EYS: variants seen among roughly 807,000 people sequenced by gnomAD.
EYS encodes EGF-like photoreceptor maintenance factor, also known as protein eyes shut homolog.
Under a neutral mutation model 282.1 loss-of-function variants are expected in EYS, and 250 were observed. The ratio of observed to expected loss-of-function variants is 0.89; its 90% CI spans 0.80 to 0.98. The LOEUF (loss-of-function observed/expected upper bound fraction) is 0.98. Ranked by LOEUF, EYS falls within the 50% of genes least tolerant of loss-of-function variation. The pLI, the probability that EYS is intolerant of heterozygous loss-of-function variation, is 0.00. For synonymous variants in EYS, 1,355 were observed against 1,282.9 expected, an observed-to-expected ratio of 1.06 and a Z score of -1.20; for missense variants, 4,016 against 3,709.0, an observed-to-expected ratio of 1.08 and a Z score of -2.15.
intron 31 of EYS, among the ~76,000 whole-genome samples, chr6:64,136,675 T>C (rs1774171397): frequency 6.6e-6 from 1 of 152,146 alleles, no homozygotes; most frequent in Non-Finnish European, 1.5e-5. Context: ...AGCAGTAATA[T>C]TTTGACAGGA....
chr6:63,781,879 T>G (rs1562023497), intron 39 of EYS, among the ~76,000 whole-genome samples: 1 of 152,206 alleles, frequency 6.6e-6, no homozygotes, highest in Non-Finnish European at 1.5e-5. Context: ...TGATATTGGC[T>G]GTGGGTTTGT....
Position 65,495,152 on chromosome 6 carries a change from T to C in EYS, c.259A>G (p.Ile87Val). The C allele has an allele frequency of 6.2e-7, 1 of 1,614,034 alleles. No individual in the cohort carries two copies. Among genetic ancestry groups the C allele is most frequent in the Non-Finnish European group, 8.5e-7 (1 of 1,179,908 alleles). Residue 87 changes from isoleucine to valine, a missense_variant, in exon 4 of 43, where the codon ATC becomes GTC. Physicochemically the swap from Ile to Val is conservative, Grantham distance 29. Transcript: ENST00000503581. ...ICPLQIQLGD[I>V]LVISSEPSLQ... ...GATGGTTCAGAAGAAATTACAAGGA[T>C]ATCTCCTAATTGAATTTGCAAAGGG...
chr6:64,483,848 G>A (rs1425133492), intron 26 of EYS, among the ~76,000 whole-genome samples: 1 of 151,552 alleles, frequency 6.6e-6, no homozygotes, highest in African/African-American at 2.4e-5. Flanking sequence ...AGGGAAGGGA[G>A]GTGCTGTTTA....
intron 35 of EYS, among the ~76,000 whole-genome samples, chr6:63,948,028 A>G (rs1006942637): frequency 9.2e-5 from 14 of 152,194 alleles, no homozygotes; most frequent in Admixed American, 4.6e-4. Flanking sequence ...ACACAATACT[A>G]ATGACTCATG....
intron 15 of EYS, among the ~76,000 whole-genome samples, chr6:64,934,589 A>C (rs1768843252): frequency 6.6e-6 from 1 of 151,934 alleles, no homozygotes; most frequent in South Asian, 2.1e-4. Context: ...CATGTAGATA[A>C]GAAAGCAGCA....
At position 64,528,859 on chromosome 6, in the gene EYS, G is replaced by A. The variant is rs913423292; in HGVS notation, c.5644+61364C>T. Reference sequence around the variant, plus strand: ...ACAGATTTGGTGAAAATCTTACAACGCTGCTTTATCAAATCTGTTCTATTG... The same window carrying A: ...ACAGATTTGGTGAAAATCTTACAACACTGCTTTATCAAATCTGTTCTATTG... On this transcript the variant is annotated intron_variant, in intron 26 of 42. Transcript: ENST00000503581. Among the ~76,000 whole-genome samples, 5 of 152,058 alleles carry A rather than the reference G, an allele frequency of 3.3e-5. No individual in the cohort carries two copies. The South Asian group carries it at 8.3e-4, about 25-fold the overall frequency.
At position 63,789,073 on chromosome 6, in the gene EYS, T is replaced by C; in HGVS notation, c.7563A>G (p.Gln2521=). Residue 2521 remains glutamine, a synonymous_variant, in exon 38 of 43, where the codon CAA becomes CAG. Coordinates refer to ENST00000503581, the MANE Select transcript of EYS (RefSeq NM_001142800.2). ...VHTVHLGKFF[Q]EGWLKVDDHK... ...GACTCTTTACCTTCAGCCAGCCCTC[T>C]TGGAAGAACTTGCCCAGATGAACAG... is the stretch of plus-strand genomic sequence containing the variant. 1 of 1,551,528 alleles carries C rather than the reference T, an allele frequency of 6.4e-7. No homozygotes were observed.
At chr6:64,657,956 A>C (rs944816302) in intron 22 of EYS, among the ~76,000 whole-genome samples, 19 of 152,296 alleles carry the variant, frequency 1.2e-4, no homozygotes, top group African/African-American at 4.6e-4. Flanking sequence ...GTGTTTTCCA[A>C]CGTGGTTCCA....
At chr6:64,146,949 C>A (rs1774538600) in intron 31 of EYS, among the ~76,000 whole-genome samples, 1 of 152,142 alleles carries the variant, frequency 6.6e-6, no homozygotes, top group East Asian at 1.9e-4. Context: ...GAGGCTAGGT[C>A]AGTTGCCTGA....
At chr6:65,672,366 A>C (rs2149833196) in intron 1 of EYS, among the ~76,000 whole-genome samples, 1 of 152,244 alleles carries the variant, frequency 6.6e-6, no homozygotes, top group Admixed American at 6.5e-5. Flanking sequence ...AAGAAGGAGG[A>C]AATTTCAGCT....
At chr6:65,598,014 C>A (rs1424405673) in intron 2 of EYS, among the ~76,000 whole-genome samples, 1 of 151,970 alleles carries the variant, frequency 6.6e-6, no homozygotes, top group Non-Finnish European at 1.5e-5. Context: ...GTGGGAGGAT[C>A]ATTTGAGCCT....
intron 14 of EYS, among the ~76,000 whole-genome samples, chr6:64,983,416 T>C (rs369279024): frequency 2.0e-5 from 3 of 151,404 alleles, no homozygotes; most frequent in African/African-American, 2.4e-5. Context: ...TGTGTCAGGA[T>C]AAATAGATAA....
rs558523396 is a variant in EYS, at chr6:64,677,801, C to G, written c.3444-51556G>C. Among the ~76,000 whole-genome samples the G allele has an allele frequency of 5.9e-5, 9 of 151,728 alleles. 1 individual carries two copies. In the South Asian group the frequency reaches 1.9e-3, roughly 32 times the overall value. ...AATGGGGTTTCTTTTTTCACCTCATCAAATCAATATGAACTACAATTTGTC... is the reference window on the plus strand; with the variant it reads ...AATGGGGTTTCTTTTTTCACCTCATGAAATCAATATGAACTACAATTTGTC... On this transcript the variant is annotated intron_variant, in intron 22 of 42. Transcript: ENST00000503581.
chr6:63,948,460 C>A (rs926168914), intron 35 of EYS, among the ~76,000 whole-genome samples: 2 of 152,176 alleles, frequency 1.3e-5, no homozygotes, highest in South Asian at 4.1e-4. Flanking sequence ...TGCACTGATG[C>A]CTGCCTCCAG....
chr6:65,161,149 G>A (rs1387133011), intron 12 of EYS, among the ~76,000 whole-genome samples: 1 of 150,960 alleles, frequency 6.6e-6, no homozygotes, highest in African/African-American at 2.4e-5. Flanking sequence ...GTTGGCTACT[G>A]CTTAACTTTC....
Position 65,494,240 on chromosome 6 carries a change from ATTT to A in EYS, c.748+420_748+422del, listed in dbSNP as rs537953728. ...CAGCCAAATCCAAGGAATCTATTAA[ATTT>A]TTTATTTATTTTTATTTATTTATTT... On this transcript the variant is annotated intron_variant, in intron 4 of 42. Coordinates refer to ENST00000503581, the MANE Select transcript of EYS (RefSeq NM_001142800.2). Among the ~76,000 whole-genome samples, 3 of 151,330 alleles carry A rather than the reference ATTT, an allele frequency of 2.0e-5. No homozygotes were observed. The East Asian group carries it at 5.8e-4, about 29-fold the overall frequency.
intron 12 of EYS, among the ~76,000 whole-genome samples, chr6:65,171,044 A>G (rs1400280580): frequency 6.6e-6 from 1 of 151,544 alleles, no homozygotes; most frequent in African/African-American, 2.4e-5. Flanking sequence ...TAATTTACTC[A>G]TAATTCTAAT....
intron 41 of EYS, among the ~76,000 whole-genome samples, chr6:63,749,744 C>A (rs560578970): frequency 3.3e-5 from 5 of 152,226 alleles, no homozygotes; most frequent in African/African-American, 1.2e-4. Flanking sequence ...TTCAACTCAC[C>A]CATTCCCCCA....
chr6:64,454,846 C>T lies in EYS; in HGVS notation c.5645-15494G>A, dbSNP rs144257389. 6.6e-5 allele frequency among the ~76,000 whole-genome samples: 10 copies of T among 152,160 alleles called. No individual in the cohort carries two copies. In the East Asian group the frequency reaches 1.9e-3, roughly 29 times the overall value. On this transcript the variant is annotated intron_variant, in intron 26 of 42. Coordinates refer to ENST00000503581, the MANE Select transcript of EYS (RefSeq NM_001142800.2). ...TATTTTATCTTCTTGTATGTGGATA[C>T]GGTAGATGTCTCCCTTATATGACGA...
Sources: gnomAD v4.1 joint callset for allele counts (sites outside exome capture counted in the v4.1 genomes callset) on GRCh38, gnomAD v4.1.1 for gene constraint, MANE v1.5 for transcripts, NCBI Gene and HGNC (gene_info 2026-07-23, HGNC 2026-07-21) for gene names.